ENPP1: variants seen among roughly 807,000 people sequenced by gnomAD.
ENPP1 encodes ectonucleotide pyrophosphatase/phosphodiesterase family member 1.
In ENPP1, 73 loss-of-function variants were observed where a neutral mutation model predicts 122.8. That is an observed-to-expected ratio of 0.59 (90% CI 0.49 to 0.72). The LOEUF is 0.72. ENPP1 is among the 30% of genes least tolerant of loss of function. ENPP1 has a pLI of 0.00. For synonymous variants in ENPP1, 367 were observed against 391.6 expected (o/e 0.94, Z 0.74); for missense variants, 978 against 1,128.1 (o/e 0.87, Z 1.91).
chr6:131,819,186 A>G (rs939345629), intron 1 of ENPP1, among the ~76,000 whole-genome samples: 1 of 152,242 alleles, frequency 6.6e-6, no homozygotes, highest in Non-Finnish European at 1.5e-5. Context: ...TGATGTTACA[A>G]AATTATGCAT....
chr6:131,875,703 G>A (rs1018834841), intron 16 of ENPP1, 73 bp from the exon 17 acceptor site: 13 of 1,103,566 alleles, frequency 1.2e-5, no homozygotes, highest in South Asian at 6.2e-5. Context: ...GTACAATGTG[G>A]ATAACAGAAT....
At chr6:131,827,018 A>C in intron 1 of ENPP1, 1 of 530,124 alleles carries the variant, frequency 1.9e-6, no homozygotes. Flanking sequence ...AATGGTCCAC[A>C]TCTTTGAGGT....
chr6:131,828,628 C>T (rs960702429), intron 1 of ENPP1, among the ~76,000 whole-genome samples: 3 of 152,108 alleles, frequency 2.0e-5, no homozygotes, highest in Non-Finnish European at 4.4e-5. Flanking sequence ...ATGGATGAGG[C>T]TAATGAGTGT....
rs201477993 is a variant in ENPP1, at chr6:131,818,285, T to TA, written c.240+10019dup. Among the ~76,000 whole-genome samples the TA allele has an allele frequency of 1.5e-4, 23 of 150,256 alleles. No homozygotes were observed. The East Asian group carries it at 1.8e-3, about 11-fold the overall frequency. On this transcript the variant is annotated intron_variant, in intron 1 of 24. Transcript: ENST00000647893. ...TGTACAAGTAGTCATGCACTTGCAA[T>TA]AAAAAAAAAGCCATTTCACTAAAAA... is the stretch of plus-strand genomic sequence containing the variant.
At chr6:131,834,697 A>AT (rs57629762) in intron 1 of ENPP1, among the ~76,000 whole-genome samples, 142 of 148,962 alleles carry the variant, frequency 9.5e-4, no homozygotes, top group Middle Eastern at 3.4e-3. Flanking sequence ...CGCCCAGCTA[A>AT]TTTTTTTTTT....
intron 23 of ENPP1, 110 bp from the exon 24 acceptor site, chr6:131,886,452 A>G: frequency 5.0e-6 from 4 of 803,378 alleles, no homozygotes; most frequent in Non-Finnish European, 6.1e-6. Context: ...ATATTTAATT[A>G]TTTGTTTGAA....
At chr6:131,864,375 C>G (rs983149010) in intron 9 of ENPP1, 131 bp from the exon 10 acceptor site, 1 of 661,632 alleles carries the variant, frequency 1.5e-6, no homozygotes, top group Non-Finnish European at 2.7e-6. Context: ...CAAATAAAAC[C>G]CTTGATTTCA....
At chr6:131,870,334 C>T (rs894628963) in intron 13 of ENPP1, among the ~76,000 whole-genome samples, 8 of 152,172 alleles carry the variant, frequency 5.3e-5, no homozygotes, top group Non-Finnish European at 8.8e-5. Flanking sequence ...TTTCACATCT[C>T]TTGACCACAT....
At chr6:131,809,225 C>T (rs1378047357) in intron 1 of ENPP1, among the ~76,000 whole-genome samples, 2 of 152,156 alleles carry the variant, frequency 1.3e-5, no homozygotes, top group African/African-American at 2.4e-5. Context: ...ATATGGAAAT[C>T]ACAGATTTCT....
chr6:131,847,944 CCT>C, intron 2 of ENPP1, 96 bp downstream of exon 2: 2 of 924,926 alleles, frequency 2.2e-6, no homozygotes, highest in Non-Finnish European at 3.4e-6. Context: ...AACATTATCT[CCT>C]ATTCCTATGG....
At chr6:131,830,278 T>C (rs915270409) in intron 1 of ENPP1, among the ~76,000 whole-genome samples, 7 of 152,172 alleles carry the variant, frequency 4.6e-5, no homozygotes, top group African/African-American at 1.2e-4. Flanking sequence ...GTGATGCTCA[T>C]TGGAGGCTAT....
intron 1 of ENPP1, among the ~76,000 whole-genome samples, chr6:131,840,577 G>A (rs957882212): frequency 2.0e-5 from 3 of 152,150 alleles, no homozygotes; most frequent in Non-Finnish European, 4.4e-5. Context: ...ACATTCCGCC[G>A]AAGGCTCCTG....
At chr6:131,808,360 C>A in intron 1 of ENPP1, 85 bp downstream of exon 1, 1 of 1,363,806 alleles carries the variant, frequency 7.3e-7, no homozygotes, top group South Asian at 1.7e-5. Context: ...TCAGCGCAGT[C>A]AGCACCGGGC....
At chr6:131,873,104 G>T in intron 15 of ENPP1, 54 bp downstream of exon 15, 1 of 1,581,890 alleles carries the variant, frequency 6.3e-7, no homozygotes. Context: ...AGTGATTCAG[G>T]GTAACCATTG....
chr6:131,868,429 G>C (rs1782116589), intron 12 of ENPP1, among the ~76,000 whole-genome samples: 1 of 151,960 alleles, frequency 6.6e-6, no homozygotes, highest in African/African-American at 2.4e-5. Flanking sequence ...GATTATTATA[G>C]CTTCAATTTC....
rs1301854895 is a variant in ENPP1, at chr6:131,864,881, T to C, written c.1107T>C (p.Thr369=). 15 of 1,602,230 alleles carry C rather than the reference T, an allele frequency of 9.4e-6. No individual in the cohort carries two copies. The highest frequency in any genetic ancestry group is 1.3e-5 in the Non-Finnish European group (15 of 1,169,340). The stretch of plus-strand genomic sequence containing the variant: ...TTTGATTTAGACCACACTTTTACAC[T>C]CTGTATTTAGAAGAACCAGATTCTT... The part of the protein sequence containing the change: ...LPKDERPHFY[T]LYLEEPDSSG... Residue 369 remains threonine (T), a synonymous_variant, in exon 11 of 25, where the codon ACT becomes ACC. Coordinates refer to ENST00000647893, the MANE Select transcript of ENPP1 (RefSeq NM_006208.3).
chr6:131,868,176 GT>G, intron 12 of ENPP1, 50 bp downstream of exon 12: 1 of 1,377,702 alleles, frequency 7.3e-7, no homozygotes. Context: ...GCTGAAGAAA[GT>G]TTACTTGATG....
chr6:131,848,393 A>G (rs1015117541), intron 2 of ENPP1, among the ~76,000 whole-genome samples: 1 of 152,150 alleles, frequency 6.6e-6, no homozygotes, highest in Non-Finnish European at 1.5e-5. Flanking sequence ...AGTGGTTATT[A>G]TCTTGTCTTT....
At chr6:131,811,380 A>C (rs5880084) in intron 1 of ENPP1, among the ~76,000 whole-genome samples, 132 of 89,642 alleles carry the variant, frequency 1.5e-3, no homozygotes, top group African/African-American at 5.6e-3. Flanking sequence ...ATATCTATAT[A>C]TCTATATCTA....
Sources: allele counts gnomAD v4.1 joint callset (sites outside exome capture counted in the v4.1 genomes callset), GRCh38; gene constraint gnomAD v4.1.1; transcripts MANE v1.5; gene names NCBI Gene and HGNC (gene_info 2026-07-23, HGNC 2026-07-21).